The following SLC9A9 variants were observed in gnomAD, a reference collection of about 807,000 sequenced individuals.
SLC9A9 encodes sodium/hydrogen exchanger 9.
In SLC9A9, 62 loss-of-function variants were observed where a neutral mutation model predicts 77.8. The observed-to-expected ratio is 0.80, with a 90% CI of 0.65 to 0.98. The LOEUF (loss-of-function observed/expected upper bound fraction) is 0.98. SLC9A9 is among the 50% of genes least tolerant of loss of function. SLC9A9 has a pLI of 0.00. For synonymous variants in SLC9A9, 320 were observed against 283.5 expected (o/e 1.13, Z -1.29); for missense variants, 775 against 774.9 (o/e 1.00, Z 0.00).
intron 9 of SLC9A9, chr3:143,504,025 G>T: frequency 2.1e-6 from 1 of 478,320 alleles, no homozygotes; most frequent in Admixed American, 2.1e-5. Flanking sequence ...TTTGACTGGG[G>T]TAGGATCTCA....
chr3:143,378,676 A>C (rs1200307098), intron 13 of SLC9A9, among the ~76,000 whole-genome samples: 2 of 152,198 alleles, frequency 1.3e-5, no homozygotes, highest in Admixed American at 6.5e-5. Flanking sequence ...AAGTACAAGG[A>C]ATCAATTACA....
intron 14 of SLC9A9, among the ~76,000 whole-genome samples, chr3:143,310,991 G>T (rs1265036255): frequency 1.3e-5 from 2 of 152,194 alleles, no homozygotes; most frequent in Non-Finnish European, 2.9e-5. Flanking sequence ...GCCCAGAAAG[G>T]TCAAGTTACC....
intron 11 of SLC9A9, among the ~76,000 whole-genome samples, chr3:143,492,894 C>T (rs192491606): frequency 4.4e-4 from 67 of 152,186 alleles, no homozygotes; most frequent in African/African-American, 1.5e-3. Flanking sequence ...ATAGGAATCA[C>T]GTAAGGATCT....
chr3:143,628,075 T>C (rs1242090415), intron 6 of SLC9A9, among the ~76,000 whole-genome samples: 1 of 152,216 alleles, frequency 6.6e-6, no homozygotes, highest in Non-Finnish European at 1.5e-5. Context: ...ATTAGGAAAA[T>C]ACGGCTTTCT....
intron 13 of SLC9A9, among the ~76,000 whole-genome samples, chr3:143,365,745 G>A (rs984201971): frequency 6.6e-6 from 1 of 152,154 alleles, no homozygotes; most frequent in Admixed American, 6.5e-5. Context: ...CCCCAGCAAA[G>A]GTATCAGATT....
At chr3:143,378,593 GTTTTCTA>G (rs2033234221) in intron 13 of SLC9A9, among the ~76,000 whole-genome samples, 2 of 152,200 alleles carry the variant, frequency 1.3e-5, no homozygotes, top group African/African-American at 4.8e-5. Flanking sequence ...AGTAGCAGGA[GTTTTCTA>G]TTAAAGGACT....
intron 13 of SLC9A9, among the ~76,000 whole-genome samples, chr3:143,373,086 A>T (rs1201942619): frequency 9.0e-5 from 2 of 22,100 alleles, no homozygotes; most frequent in African/African-American, 4.0e-4. Context: ...ACCATTAGTA[A>T]ATTCCACTAC....
chr3:143,644,442 C>G (rs2038671281), intron 6 of SLC9A9, among the ~76,000 whole-genome samples: 1 of 152,152 alleles, frequency 6.6e-6, no homozygotes, highest in Non-Finnish European at 1.5e-5. Context: ...GACAGAGTCA[C>G]AGAATATAAT....
intron 4 of SLC9A9, among the ~76,000 whole-genome samples, chr3:143,773,150 A>C (rs1279778644): frequency 6.6e-6 from 1 of 152,160 alleles, no homozygotes; most frequent in African/African-American, 2.4e-5. Context: ...CACTGTAACT[A>C]GTGTTGTGGT....
chr3:143,336,362 A>G (rs1559872882), intron 14 of SLC9A9, among the ~76,000 whole-genome samples: 1 of 152,206 alleles, frequency 6.6e-6, no homozygotes, highest in African/African-American at 2.4e-5. Flanking sequence ...TAGAACTACC[A>G]TATGATTTAG....
At chr3:143,672,428 A>G (rs1260327897) in intron 5 of SLC9A9, among the ~76,000 whole-genome samples, 1 of 152,228 alleles carries the variant, frequency 6.6e-6, no homozygotes, top group East Asian at 1.9e-4. Context: ...ATTAGAGAGC[A>G]TGATCAGAGA....
intron 4 of SLC9A9, among the ~76,000 whole-genome samples, chr3:143,711,622 C>T (rs986780143): frequency 1.3e-5 from 2 of 150,100 alleles, no homozygotes; most frequent in Non-Finnish European, 1.5e-5. Flanking sequence ...CAGCATCTTG[C>T]CCAGGTTGGT....
intron 14 of SLC9A9, chr3:143,344,325 G>T (rs1268079403): frequency 6.6e-6 from 1 of 152,070 alleles, no homozygotes; most frequent in Non-Finnish European, 1.5e-5. Context: ...GCTTTGCAGA[G>T]GAATATATTT....
chr3:143,351,177 A>G (rs2032444093), intron 14 of SLC9A9, among the ~76,000 whole-genome samples: 1 of 152,242 alleles, frequency 6.6e-6, no homozygotes, highest in Non-Finnish European at 1.5e-5. Flanking sequence ...AAGTTTTATG[A>G]AACAAAATTT....
At chr3:143,336,913 A>T (rs729510) in intron 14 of SLC9A9, among the ~76,000 whole-genome samples, 3,216 of 152,216 alleles carry the variant, frequency 0.021, 126 homozygotes, top group African/African-American at 0.074. Context: ...ATTTAAAAAA[A>T]TTTTTTAAAA....
chr3:143,476,039 C>A, intron 11 of SLC9A9, among the ~76,000 whole-genome samples: 1 of 116,682 alleles, frequency 8.6e-6, no homozygotes. Flanking sequence ...TCTGTTAAAT[C>A]AAACCCTGGT....
chr3:143,597,096 G>C (rs1343473436), intron 6 of SLC9A9, among the ~76,000 whole-genome samples: 1 of 152,156 alleles, frequency 6.6e-6, no homozygotes, highest in South Asian at 2.1e-4. Context: ...AAGATACATG[G>C]ATGTGCTTTG....
chr3:143,737,450 A>T (rs1413387901), intron 4 of SLC9A9, among the ~76,000 whole-genome samples: 3 of 151,818 alleles, frequency 2.0e-5, no homozygotes, highest in African/African-American at 7.3e-5. Flanking sequence ...TCAATACCTA[A>T]AATAAGAACC....
chr3:143,795,183 C>A, intron 3 of SLC9A9, 106 bp from the exon 4 acceptor site: 7 of 979,716 alleles, frequency 7.1e-6, no homozygotes, highest in Middle Eastern at 3.4e-4. Context: ...ACTGTTTAGG[C>A]AAATTTTGGT....
Sources: allele counts gnomAD v4.1 joint callset (sites outside exome capture counted in the v4.1 genomes callset), GRCh38; gene constraint gnomAD v4.1.1; transcripts MANE v1.5; gene names NCBI Gene and HGNC (gene_info 2026-07-23, HGNC 2026-07-21).